Variants in ITGBL1 observed in about 807,000 individuals in gnomAD.
The protein encoded by ITGBL1 is integrin beta-like protein 1.
A neutral mutation model predicts 68.5 loss-of-function variants in ITGBL1; 51 were observed. The ratio of observed to expected loss-of-function variants is 0.74; its 90% confidence interval spans 0.59 to 0.94. ITGBL1 has a LOEUF of 0.94. ITGBL1 is among the 40% of genes least tolerant of loss of function. The pLI is 0.00. For synonymous variants in ITGBL1, 209 were observed against 227.3 expected (o/e 0.92, Z 0.72); for missense variants, 649 against 647.4 (o/e 1.00, Z -0.03).
At chr13:101,709,783 G>T (rs565337396) in intron 9 of ITGBL1, among the ~76,000 whole-genome samples, 4 of 152,128 alleles carry the variant, frequency 2.6e-5, no homozygotes, top group African/African-American at 9.7e-5. Context: ...TTCCATAAGC[G>T]GGTCTTCCCT....
intron 2 of ITGBL1, among the ~76,000 whole-genome samples, chr13:101,549,816 G>T (rs540005415): frequency 1.3e-5 from 2 of 151,562 alleles, no homozygotes; most frequent in South Asian, 2.1e-4. Flanking sequence ...ACACATTGTC[G>T]GTGAAAATAA....
At chr13:101,546,575 A>G (rs1006905785) in intron 2 of ITGBL1, among the ~76,000 whole-genome samples, 1 of 151,852 alleles carries the variant, frequency 6.6e-6, no homozygotes, top group African/African-American at 2.4e-5. Context: ...CTTAATTTTA[A>G]AAACTAACAA....
At chr13:101,523,216 G>T (rs187859379) in intron 2 of ITGBL1, among the ~76,000 whole-genome samples, 1 of 152,094 alleles carries the variant, frequency 6.6e-6, no homozygotes, top group Non-Finnish European at 1.5e-5. Context: ...TCAATTTATT[G>T]CTGGACATGT....
chr13:101,482,342 T>C (rs1015777473), intron 2 of ITGBL1, among the ~76,000 whole-genome samples: 1 of 151,854 alleles, frequency 6.6e-6, no homozygotes, highest in African/African-American at 2.4e-5. Flanking sequence ...TATAGGTTTT[T>C]TTTTTTTACT....
rs113852648 is a variant in ITGBL1, at chr13:101,530,256, G to T, written c.317-37443G>T. The stretch of plus-strand genomic sequence containing the variant: ...AGTATGAAATGTAATTATATATAGA[G>T]AGAGAGAGAGCGCGAGGGGAGAGAG... On this transcript the variant is annotated intron_variant, in intron 2 of 10. Coordinates refer to ENST00000376180, the MANE Select transcript of ITGBL1 (RefSeq NM_004791.3). Among the ~76,000 whole-genome samples, 722 of 152,060 alleles carry T rather than the reference G, an allele frequency of 4.7e-3. 3 individuals carry two copies. The highest frequency in any genetic ancestry group is 0.012 in the African/African-American group (486 of 41,448).
At chr13:101,685,182 C>G (rs993287543) in intron 7 of ITGBL1, among the ~76,000 whole-genome samples, 22 of 151,930 alleles carry the variant, frequency 1.4e-4, no homozygotes, top group African/African-American at 5.1e-4. Flanking sequence ...CAGGAAAAAT[C>G]AGACACTTCT....
intron 1 of ITGBL1, 64 bp from the exon 2 acceptor site, chr13:101,453,819 G>A (rs1288160641): frequency 5.5e-6 from 6 of 1,098,594 alleles, no homozygotes; most frequent in African/African-American, 1.6e-5. Context: ...AGGAAACGTG[G>A]GTTCGGAGCA....
chr13:101,455,562 G>T (rs1415704427), intron 2 of ITGBL1, among the ~76,000 whole-genome samples: 9 of 152,160 alleles, frequency 5.9e-5, no homozygotes. Flanking sequence ...AGCTACTTGG[G>T]AGGCCGAGGC....
rs144679569 is a variant in ITGBL1 at position 101,516,142 on chromosome 13, G to A, written c.317-51557G>A. 4.9e-4 allele frequency among the ~76,000 whole-genome samples: 75 copies of A among 152,030 alleles called. 3 individuals are homozygous for A. In the East Asian group the frequency reaches 0.015, roughly 29 times the overall value. Reference sequence around the variant, plus strand: ...AAGAGAATAAAAATGAGCTAATTTTGGTGCACCTTGTATTTATTGAAATAG... The same window carrying A: ...AAGAGAATAAAAATGAGCTAATTTTAGTGCACCTTGTATTTATTGAAATAG... On this transcript the variant is annotated intron_variant, in intron 2 of 10. Transcript: ENST00000376180.
intron 7 of ITGBL1, among the ~76,000 whole-genome samples, chr13:101,605,076 A>G (rs2030674263): frequency 6.9e-6 from 1 of 145,720 alleles, no homozygotes. Flanking sequence ...GTGTATATAC[A>G]TATATGCGTA....
intron 2 of ITGBL1, among the ~76,000 whole-genome samples, chr13:101,527,283 A>G (rs2049397119): frequency 6.6e-6 from 1 of 152,094 alleles, no homozygotes; most frequent in African/African-American, 2.4e-5. Context: ...ATAGGCAACC[A>G]CTGAGCTACT....
chr13:101,569,072 T>TCG (rs2050230249), intron 3 of ITGBL1, among the ~76,000 whole-genome samples: 1 of 70,826 alleles, frequency 1.4e-5, no homozygotes, highest in Non-Finnish European at 2.9e-5. Context: ...ACACACACAC[T>TCG]TCTCTACTTC....
chr13:101,622,911 A>G (rs1420531870), intron 7 of ITGBL1, among the ~76,000 whole-genome samples: 4 of 114,988 alleles, frequency 3.5e-5, no homozygotes, highest in African/African-American at 9.0e-5. Flanking sequence ...TGTGTGGGGT[A>G]TGTATGTGTG....
chr13:101,591,344 A>C (rs1037588105), intron 6 of ITGBL1, among the ~76,000 whole-genome samples: 1 of 152,218 alleles, frequency 6.6e-6, no homozygotes, highest in African/African-American at 2.4e-5. Flanking sequence ...ATGTATGTTT[A>C]TTAATAATAA....
intron 10 of ITGBL1, 46 bp from the exon 11 acceptor site, chr13:101,715,517 G>A (rs2034677877): frequency 1.5e-6 from 2 of 1,302,832 alleles, no homozygotes; most frequent in South Asian, 2.4e-5. Flanking sequence ...TTTAAATTTG[G>A]CACATTTTGA....
At chr13:101,499,465 G>A (rs1228521939) in intron 2 of ITGBL1, among the ~76,000 whole-genome samples, 1 of 152,134 alleles carries the variant, frequency 6.6e-6, no homozygotes, top group East Asian at 1.9e-4. Flanking sequence ...AGTTTTTATG[G>A]TTTTATATGG....
chr13:101,488,659 A>G (rs1238299023), intron 2 of ITGBL1, among the ~76,000 whole-genome samples: 1 of 152,106 alleles, frequency 6.6e-6, no homozygotes, highest in African/African-American at 2.4e-5. Context: ...TAAGTACCCT[A>G]TGTCTTATTC....
chr13:101,604,887 T>TATACACATACATACACAC, intron 7 of ITGBL1, among the ~76,000 whole-genome samples: 258 of 22,112 alleles, frequency 0.012, 12 homozygotes, highest in African/African-American at 0.022. Flanking sequence ...TATATATATA[T>TATACACATACATACACAC]ACACACACAC....
At chr13:101,696,971 G>T (rs2034017354) in intron 8 of ITGBL1, among the ~76,000 whole-genome samples, 1 of 151,936 alleles carries the variant, frequency 6.6e-6, no homozygotes, top group Non-Finnish European at 1.5e-5. Flanking sequence ...TTTTAGGCCT[G>T]GGAAAGCTGG....
Sources: allele counts gnomAD v4.1 joint callset (sites outside exome capture counted in the v4.1 genomes callset), GRCh38; gene constraint gnomAD v4.1.1; transcripts MANE v1.5; gene names NCBI Gene and HGNC (gene_info 2026-07-23, HGNC 2026-07-21).